Variants in ADAM22 observed in about 807,000 individuals in gnomAD.
ADAM22 encodes ADAM metallopeptidase domain 22, also known as disintegrin and metalloproteinase domain-containing protein 22.
Under a neutral mutation model 144.6 loss-of-function variants are expected in ADAM22, and 65 were observed. The observed-to-expected ratio is 0.45, with a 90% CI of 0.37 to 0.55. The LOEUF (loss-of-function observed/expected upper bound fraction) is 0.55, where lower values mean the gene tolerates loss of function less well. Ranked by LOEUF, ADAM22 falls within the 20% of genes least tolerant of loss-of-function variation. The probability of loss-of-function intolerance (pLI) is 0.00; values close to 1 mark genes in which losing one functional copy is unlikely to be tolerated. For synonymous variants in ADAM22, 391 were observed against 412.6 expected, an observed-to-expected ratio of 0.95 and a Z score of 0.63; for missense variants, 974 against 1,184.9, an observed-to-expected ratio of 0.82 and a Z score of 2.61.
At chr7:88,185,238 C>A (rs542549898) in intron 29 of ADAM22, among the ~76,000 whole-genome samples, 1 of 152,134 alleles carries the variant, frequency 6.6e-6, no homozygotes, top group African/African-American at 2.4e-5. Flanking sequence ...TACTATCTTA[C>A]CAAAAATGGT....
chr7:88,196,776 T>G lies in ADAM22; in HGVS notation c.*285T>G, dbSNP rs1487962161. 4.7e-6 allele frequency: 2 copies of G among 422,196 alleles called. No individual in the cohort carries two copies. The highest frequency in any genetic ancestry group is 8.7e-6 in the Non-Finnish European group (2 of 230,468). 26.2% of individuals were successfully genotyped at this position (422,196 alleles called of 1,614,324 possible). On this transcript the variant is annotated 3_prime_UTR_variant, in exon 32 of 32. Transcript: ENST00000413139. The stretch of plus-strand genomic sequence containing the variant: ...TGGATAATCCGCATGACAGATAATA[T>G]GTAGAAATATTCATAAAGTTAACTC...
chr7:88,021,580 A>C (rs1264601900), intron 3 of ADAM22, among the ~76,000 whole-genome samples: 1 of 152,226 alleles, frequency 6.6e-6, no homozygotes, highest in Non-Finnish European at 1.5e-5. Context: ...GAAATAAAAC[A>C]TGTAAAAATA....
intron 3 of ADAM22, among the ~76,000 whole-genome samples, chr7:88,017,886 A>AT (rs1563034768): frequency 6.6e-6 from 1 of 152,094 alleles, no homozygotes; most frequent in Non-Finnish European, 1.5e-5. Flanking sequence ...TTCACAAAGA[A>AT]TAAAAAAAAA....
chr7:88,039,484 TAC>T (rs1563082439), intron 3 of ADAM22, among the ~76,000 whole-genome samples: 1 of 120,448 alleles, frequency 8.3e-6, no homozygotes, highest in Non-Finnish European at 1.9e-5. Context: ...TATATATATA[TAC>T]ATTTCATGTA....
At chr7:87,989,274 A>G (rs909406168) in intron 3 of ADAM22, among the ~76,000 whole-genome samples, 4 of 152,226 alleles carry the variant, frequency 2.6e-5, no homozygotes, top group African/African-American at 9.6e-5. Flanking sequence ...ATAGAAACAG[A>G]TGGAAAGTTT....
At chr7:88,000,951 T>A (rs1792402085) in intron 3 of ADAM22, among the ~76,000 whole-genome samples, 1 of 152,192 alleles carries the variant, frequency 6.6e-6, no homozygotes, top group Admixed American at 6.5e-5. Context: ...CTGTTTATGG[T>A]TTGCTTTTGT....
chr7:88,047,687 G>A (rs1805031861), intron 3 of ADAM22, among the ~76,000 whole-genome samples: 1 of 152,096 alleles, frequency 6.6e-6, no homozygotes, highest in Non-Finnish European at 1.5e-5. Flanking sequence ...TATTTTAATT[G>A]TTAACAATTT....
intron 7 of ADAM22, among the ~76,000 whole-genome samples, chr7:88,123,618 T>C (rs966400823): frequency 1.3e-5 from 2 of 152,004 alleles, no homozygotes; most frequent in African/African-American, 2.4e-5. Context: ...TGTTTAAGTT[T>C]TGAGTCTCAC....
In ADAM22 at chr7:88,201,238, AT is replaced by A. The variant is rs1851183060; in HGVS notation, c.*4748del. 6.6e-6 allele frequency: 1 copy of A among 152,194 alleles called. No individual in the cohort carries two copies. Among genetic ancestry groups the A allele is most frequent in the Non-Finnish European group, 1.5e-5 (1 of 68,036 alleles). 9.4% of individuals were successfully genotyped at this position (152,194 alleles called of 1,614,324 possible). A position where few individuals can be genotyped will look rare whatever the true frequency, so the allele number is the denominator to read the frequency against. On this transcript the variant is annotated 3_prime_UTR_variant, in exon 32 of 32. Coordinates refer to ENST00000413139, the MANE Select transcript of ADAM22 (RefSeq NM_001324418.2). ...CCTAATTAGTACTTTTGTCCTTTAT[AT>A]CCCTAGGATGCTCTAGGGAGTAGAG...
chr7:88,113,489 A>G (rs1392818304), intron 5 of ADAM22, among the ~76,000 whole-genome samples: 3 of 150,076 alleles, frequency 2.0e-5, no homozygotes, highest in Non-Finnish European at 4.4e-5. Context: ...TGTATTTCCC[A>G]TCTGCTTAGA....
rs544116082 is a variant in ADAM22, at chr7:88,087,890, C to T, written c.390+12198C>T. 1.9e-3 allele frequency among the ~76,000 whole-genome samples: 293 copies of T among 152,216 alleles called. 3 individuals are homozygous for T. The highest frequency in any genetic ancestry group is 6.5e-3 in the African/African-American group (269 of 41,532). The stretch of plus-strand genomic sequence containing the variant: ...CTTTTGACTGGTAATTAACTGTTTA[C>T]GACTCATCATTTGATTGAATTGAGT... On this transcript the variant is annotated intron_variant, in intron 4 of 31. Coordinates refer to ENST00000413139, the MANE Select transcript of ADAM22 (RefSeq NM_001324418.2).
At chr7:87,999,164 T>C (rs1038973353) in intron 3 of ADAM22, among the ~76,000 whole-genome samples, 2 of 152,140 alleles carry the variant, frequency 1.3e-5, no homozygotes, top group Non-Finnish European at 1.5e-5. Context: ...GTTAGTGTGC[T>C]CTCCAGATTT....
At chr7:88,139,323 C>G (rs1378590056) in intron 14 of ADAM22, among the ~76,000 whole-genome samples, 3 of 151,954 alleles carry the variant, frequency 2.0e-5, no homozygotes, top group Non-Finnish European at 4.4e-5. Context: ...GAGGCTGAGG[C>G]AGGAAAATTG....
At chr7:88,057,524 G>T (rs542702746) in intron 3 of ADAM22, among the ~76,000 whole-genome samples, 2 of 152,278 alleles carry the variant, frequency 1.3e-5, no homozygotes, top group East Asian at 3.9e-4. Flanking sequence ...AAATGAAGAA[G>T]ATCTCAAGAT....
intron 26 of ADAM22, among the ~76,000 whole-genome samples, chr7:88,174,198 G>C (rs1382971322): frequency 6.6e-6 from 1 of 152,134 alleles, no homozygotes; most frequent in Non-Finnish European, 1.5e-5. Context: ...AAGGTTTTCA[G>C]TATAGAGAAG....
chr7:87,969,372 A>G (rs189311630), intron 2 of ADAM22, among the ~76,000 whole-genome samples: 6 of 152,232 alleles, frequency 3.9e-5, no homozygotes, highest in African/African-American at 9.6e-5. Context: ...CGGTATCCCT[A>G]CAGTTGAAGG....
intron 3 of ADAM22, among the ~76,000 whole-genome samples, chr7:88,054,427 G>C (rs1406572243): frequency 2.0e-5 from 3 of 152,018 alleles, no homozygotes. Flanking sequence ...AGAAAGCTCT[G>C]CCTATTATGT....
intron 6 of ADAM22, 98 bp from the exon 7 acceptor site, chr7:88,116,647 C>A: frequency 2.1e-6 from 2 of 939,976 alleles, no homozygotes; most frequent in Admixed American, 2.0e-5. Flanking sequence ...AATGCATAGG[C>A]AAGCTGTGGT....
chr7:88,061,494 G>A (rs1809843967), intron 3 of ADAM22, among the ~76,000 whole-genome samples: 1 of 152,196 alleles, frequency 6.6e-6, no homozygotes, highest in Non-Finnish European at 1.5e-5. Flanking sequence ...AAATGGATGT[G>A]GTGTTAGAAA....
Sources: gnomAD v4.1 joint callset for allele counts (sites outside exome capture counted in the v4.1 genomes callset) on GRCh38, gnomAD v4.1.1 for gene constraint, MANE v1.5 for transcripts, NCBI Gene and HGNC (gene_info 2026-07-23, HGNC 2026-07-21) for gene names.